AUTS2: variants seen among roughly 807,000 people sequenced by gnomAD.
AUTS2 encodes autism susceptibility gene 2 protein.
Under a neutral mutation model 112.4 loss-of-function variants are expected in AUTS2, and 17 were observed. The ratio of observed to expected loss-of-function variants is 0.15; its 90% CI spans 0.10 to 0.23. The LOEUF is 0.23. Among genes scored for constraint, AUTS2 ranks in the 10% least tolerant of loss-of-function variants. The pLI is 1.00. For synonymous variants in AUTS2, 751 were observed against 702.7 expected (o/e 1.07, Z -1.09); for missense variants, 1,510 against 1,701.6 (o/e 0.89, Z 1.98).
In AUTS2 at chr7:69,814,108, C is replaced by T. The variant is rs118148736; in HGVS notation, c.310-85178C>T. On this transcript the variant is annotated intron_variant, in intron 1 of 18. Coordinates refer to ENST00000342771, the MANE Select transcript of AUTS2 (RefSeq NM_015570.4). The stretch of plus-strand genomic sequence containing the variant: ...TTGAGGCTCTCCTTGCCAAGAAAAA[C>T]CCATTGTAAATTTCTGGTTTAAAGG... 7.2e-5 allele frequency among the ~76,000 whole-genome samples: 11 copies of T among 152,286 alleles called. No individual in the cohort carries two copies. The East Asian group carries it at 1.5e-3, about 21-fold the overall frequency.
chr7:69,921,762 T>TAAAAAA (rs35008506), intron 2 of AUTS2, among the ~76,000 whole-genome samples: 1 of 100,554 alleles, frequency 9.9e-6, no homozygotes, highest in Non-Finnish European at 2.0e-5. Context: ...ACTCTGTCTT[T>TAAAAAA]AAAAAAAAAA....
At position 69,729,104 on chromosome 7, in the gene AUTS2, A is replaced by AT. The variant is rs979512953; in HGVS notation, c.309+129150dup. Among the ~76,000 whole-genome samples, 27 of 151,736 alleles carry AT rather than the reference A, an allele frequency of 1.8e-4. No homozygotes were observed. In the East Asian group the frequency reaches 1.9e-3, roughly 11 times the overall value. ...TATACCATGTCCAATTCCAAACCTTATTTTTTTTGTGTGTGAAGGGTTGAA... is the reference window on the plus strand; with the variant it reads ...TATACCATGTCCAATTCCAAACCTTATTTTTTTTTGTGTGTGAAGGGTTGAA... On this transcript the variant is annotated intron_variant, in intron 1 of 18. Coordinates refer to ENST00000342771, the MANE Select transcript of AUTS2 (RefSeq NM_015570.4).
intron 1 of AUTS2, among the ~76,000 whole-genome samples, chr7:69,814,746 G>A (rs911351549): frequency 6.6e-6 from 1 of 152,254 alleles, no homozygotes; most frequent in Admixed American, 6.5e-5. Flanking sequence ...TGTGCCCAGC[G>A]GTATGGGCGA....
At chr7:70,541,521 AT>A (rs1729037535) in intron 5 of AUTS2, among the ~76,000 whole-genome samples, 2 of 152,242 alleles carry the variant, frequency 1.3e-5, no homozygotes, top group Admixed American at 1.3e-4. Context: ...GAACATATTC[AT>A]TTCTTTAGTC....
At chr7:70,431,309 CTTA>C (rs1795658439) in intron 4 of AUTS2, among the ~76,000 whole-genome samples, 2 of 152,342 alleles carry the variant, frequency 1.3e-5, no homozygotes, top group Middle Eastern at 3.4e-3. Context: ...ACTGGAAAGA[CTTA>C]CAAAAATGTA....
intron 4 of AUTS2, among the ~76,000 whole-genome samples, chr7:70,182,206 T>A (rs1227638839): frequency 2.0e-5 from 3 of 152,222 alleles, no homozygotes; most frequent in Non-Finnish European, 4.4e-5. Context: ...CAGCTTGCCA[T>A]TCAAGAACCA....
intron 6 of AUTS2, among the ~76,000 whole-genome samples, chr7:70,715,641 C>T (rs1224204544): frequency 6.6e-6 from 1 of 152,124 alleles, no homozygotes; most frequent in Non-Finnish European, 1.5e-5. Flanking sequence ...TAGTGATTCT[C>T]CTGCCTTGGC....
At chr7:70,094,773 G>T (rs1804102790) in intron 2 of AUTS2, among the ~76,000 whole-genome samples, 1 of 152,190 alleles carries the variant, frequency 6.6e-6, no homozygotes, top group South Asian at 2.1e-4. Context: ...TAGTTCGTGA[G>T]TTCAAGTTGC....
intron 1 of AUTS2, among the ~76,000 whole-genome samples, chr7:69,724,839 G>A (rs1413200948): frequency 6.6e-6 from 1 of 152,172 alleles, no homozygotes; most frequent in Non-Finnish European, 1.5e-5. Context: ...ACTTTTTGGG[G>A]ATCCATGTCC....
chr7:69,856,511 A>G (rs1446209114), intron 1 of AUTS2, among the ~76,000 whole-genome samples: 1 of 152,276 alleles, frequency 6.6e-6, no homozygotes, highest in East Asian at 1.9e-4. Flanking sequence ...TTTTAGTATT[A>G]TAAACAGGAG....
chr7:70,594,304 T>G (rs1181730841), intron 5 of AUTS2, among the ~76,000 whole-genome samples: 1 of 151,900 alleles, frequency 6.6e-6, no homozygotes, highest in African/African-American at 2.4e-5. Flanking sequence ...TCCCCTGGGG[T>G]TGGGGGGCAG....
chr7:70,163,114 A>T (rs1808181593), intron 4 of AUTS2, among the ~76,000 whole-genome samples: 2 of 151,540 alleles, frequency 1.3e-5, no homozygotes, highest in Admixed American at 6.6e-5. Context: ...AATAGAGAGG[A>T]GTGGTGTGCA....
intron 5 of AUTS2, among the ~76,000 whole-genome samples, chr7:70,590,886 G>A (rs535391584): frequency 5.9e-5 from 9 of 152,128 alleles, no homozygotes; most frequent in Admixed American, 4.6e-4. Context: ...GAGTGCCATC[G>A]GTTTCAAATG....
chr7:70,347,884 A>G (rs903981698), intron 4 of AUTS2, among the ~76,000 whole-genome samples: 5 of 152,146 alleles, frequency 3.3e-5, no homozygotes, highest in Non-Finnish European at 7.3e-5. Context: ...TGTATCCTTA[A>G]ACCACTCTCT....
chr7:69,943,451 G>T (rs1218680343), intron 2 of AUTS2, among the ~76,000 whole-genome samples: 1 of 152,118 alleles, frequency 6.6e-6, no homozygotes, highest in Non-Finnish European at 1.5e-5. Flanking sequence ...ATTCTAAAAT[G>T]CCTGCAAACA....
At chr7:70,378,294 G>A (rs1041879499) in intron 4 of AUTS2, among the ~76,000 whole-genome samples, 1 of 152,114 alleles carries the variant, frequency 6.6e-6, no homozygotes, top group African/African-American at 2.4e-5. Flanking sequence ...CTCAGAAGTG[G>A]CTATTGAAAT....
intron 4 of AUTS2, among the ~76,000 whole-genome samples, chr7:70,148,330 G>GA (rs1271935169): frequency 6.6e-6 from 1 of 151,920 alleles, no homozygotes; most frequent in South Asian, 2.1e-4. Context: ...AATAGCTTAA[G>GA]AAAAAAGAGA....
chr7:70,217,206 TTCTG>T lies in AUTS2; in HGVS notation c.660+82641_660+82644del, dbSNP rs1285605005. On this transcript the variant is annotated intron_variant, in intron 4 of 18. Transcript: ENST00000342771. ...TGGATGAGGATATTGGTTTGCAGTC[TTCTG>T]TCTGTGTTTCTGTCTTCTGAGCATT... Among the ~76,000 whole-genome samples the T allele has an allele frequency of 1.2e-4, 18 of 152,364 alleles. 1 individual carries two copies. In the South Asian group the frequency reaches 3.3e-3, roughly 28 times the overall value.
In AUTS2 at chr7:69,686,838, T is replaced by C. The variant is rs573648670; in HGVS notation, c.309+86876T>C. On this transcript the variant is annotated intron_variant, in intron 1 of 18. Transcript: ENST00000342771. Reference sequence around the variant, plus strand: ...CTTTTTTGGTCTTAACCCACTTAGGTGGGACAGAAGCTCCTTATCTCACCT... The same window carrying C: ...CTTTTTTGGTCTTAACCCACTTAGGCGGGACAGAAGCTCCTTATCTCACCT... Among the ~76,000 whole-genome samples, 6 of 152,284 alleles carry C rather than the reference T, an allele frequency of 3.9e-5. No homozygotes were observed. The East Asian group carries it at 1.2e-3, about 29-fold the overall frequency.
Sources: gnomAD v4.1 joint callset for allele counts (sites outside exome capture counted in the v4.1 genomes callset) on GRCh38, gnomAD v4.1.1 for gene constraint, MANE v1.5 for transcripts, NCBI Gene and HGNC (gene_info 2026-07-23, HGNC 2026-07-21) for gene names.